The following SNX30 variants were observed in gnomAD, a reference collection of about 807,000 sequenced individuals.
SNX30 encodes sorting nexin-30.
A neutral mutation model predicts 46.4 loss-of-function variants in SNX30; 24 were observed. That is an observed-to-expected ratio of 0.52 (90% confidence interval 0.37 to 0.73). The LOEUF is 0.73. SNX30 is among the 30% of genes least tolerant of loss of function. The probability of loss-of-function intolerance (pLI) is 0.00; values close to 1 mark genes in which losing one functional copy is unlikely to be tolerated. For missense variants in SNX30, 533 were observed against 555.7 expected (o/e 0.96, Z 0.41); for synonymous variants, 189 against 211.5 (o/e 0.89, Z 0.92).
intron 2 of SNX30, among the ~76,000 whole-genome samples, chr9:112,807,414 G>T (rs1840246220): frequency 1.3e-5 from 2 of 152,228 alleles, no homozygotes; most frequent in South Asian, 4.1e-4. Context: ...ATATGTCTAT[G>T]TAAGTACGTG....
chr9:112,859,529 C>T (rs1013330870), intron 7 of SNX30, among the ~76,000 whole-genome samples: 1 of 152,186 alleles, frequency 6.6e-6, no homozygotes, highest in East Asian at 1.9e-4. Flanking sequence ...TGAGGAATCT[C>T]CATACTGTTT....
intron 1 of SNX30, among the ~76,000 whole-genome samples, chr9:112,764,551 A>T (rs764804495): frequency 1.3e-5 from 2 of 152,038 alleles, no homozygotes; most frequent in Non-Finnish European, 2.9e-5. Flanking sequence ...TAATCTTTTC[A>T]TTCCAATCAA....
downstream of SNX30, chr9:112,885,171 G>A (rs557117321): frequency 1.3e-5 from 2 of 152,240 alleles, no homozygotes; most frequent in Admixed American, 1.3e-4. Context: ...ATAATGCAAA[G>A]AGCCCTAATG....
rs543680157 is a variant in SNX30 at position 112,868,893 on chromosome 9, C to T, written c.*50C>T. On this transcript the variant is annotated 3_prime_UTR_variant, in exon 9 of 9. Transcript: ENST00000374232. ...TTCTACCTACACAGGGCCTGGCACCCTATACCGGAATGTCCCTGCAGTGCC... is the reference window on the plus strand; with the variant it reads ...TTCTACCTACACAGGGCCTGGCACCTTATACCGGAATGTCCCTGCAGTGCC... 1,027 of 1,570,432 alleles carry T rather than the reference C, an allele frequency of 6.5e-4. 6 individuals are homozygous for T. The Middle Eastern group carries it at 7.2e-3, about 11-fold the overall frequency.
chr9:112,762,673 T>C (rs1472385772), intron 1 of SNX30, among the ~76,000 whole-genome samples: 1 of 152,220 alleles, frequency 6.6e-6, no homozygotes, highest in Non-Finnish European at 1.5e-5. Context: ...TGCTAAGTCT[T>C]GTCGTTGCCT....
intron 1 of SNX30, among the ~76,000 whole-genome samples, chr9:112,791,186 C>T (rs1287289812): frequency 2.6e-5 from 4 of 151,996 alleles, no homozygotes; most frequent in Non-Finnish European, 4.4e-5. Flanking sequence ...GAAATTTGGT[C>T]TTTATTAAGC....
intron 7 of SNX30, among the ~76,000 whole-genome samples, chr9:112,858,850 C>T (rs953560941): frequency 1.2e-4 from 18 of 152,312 alleles, no homozygotes; most frequent in Non-Finnish European, 2.2e-4. Flanking sequence ...CCTACACATG[C>T]TGGCTTCTCT....
chr9:112,865,661 A>ATATATATATATATATGTGTG, intron 8 of SNX30, among the ~76,000 whole-genome samples: 11 of 105,678 alleles, frequency 1.0e-4, no homozygotes, highest in African/African-American at 4.2e-4. Context: ...ATATATATAT[A>ATATATATATATATATGTGTG]TGTATGTATG....
In SNX30 at chr9:112,750,829, C is replaced by T. The variant is rs912422096; in HGVS notation, c.-173C>T. The T allele has an allele frequency of 1.1e-5, 4 of 380,548 alleles. No individual in the cohort carries two copies. The highest frequency in any genetic ancestry group is 1.4e-5 in the Non-Finnish European group (4 of 276,038). 23.6% of individuals were successfully genotyped at this position (380,548 alleles called of 1,614,324 possible). A position where few individuals can be genotyped will look rare whatever the true frequency, so the allele number is the denominator to read the frequency against. Reference sequence around the variant, plus strand: ...CGGGGGCGCGCGGCGCGGAGCGGAGCGTCTGAGCGCCGGCAGAGACCAGCC... The same window carrying T: ...CGGGGGCGCGCGGCGCGGAGCGGAGTGTCTGAGCGCCGGCAGAGACCAGCC... On this transcript the variant is annotated 5_prime_UTR_variant, in exon 1 of 9. Transcript: ENST00000374232.
At chr9:112,865,280 G>A (rs1841305909) in intron 8 of SNX30, among the ~76,000 whole-genome samples, 1 of 151,528 alleles carries the variant, frequency 6.6e-6, no homozygotes, top group African/African-American at 2.4e-5. Flanking sequence ...CTCTTATCAG[G>A]CTACAGCCCA....
intron 2 of SNX30, among the ~76,000 whole-genome samples, chr9:112,806,187 C>T (rs1241820027): frequency 3.3e-5 from 5 of 152,146 alleles, no homozygotes; most frequent in African/African-American, 4.8e-5. Context: ...CCAGTTGTGA[C>T]AACCAAAAAT....
chr9:112,793,154 T>C (rs1018039901), intron 1 of SNX30, among the ~76,000 whole-genome samples: 1 of 152,350 alleles, frequency 6.6e-6, no homozygotes, highest in Non-Finnish European at 1.5e-5. Context: ...GTGTTTCTAC[T>C]TGATGTTGTT....
rs62576429 is a variant in SNX30 at position 112,833,412 on chromosome 9, G to A, written c.618+2529G>A. On this transcript the variant is annotated intron_variant, in intron 4 of 8. Transcript: ENST00000374232. Reference sequence around the variant, plus strand: ...ATGGCTCATGCCTGTAACACCCAGCGCTTTGGGAGGCCAAAGCAGGTAGAC... The same window carrying A: ...ATGGCTCATGCCTGTAACACCCAGCACTTTGGGAGGCCAAAGCAGGTAGAC... 1.6e-3 allele frequency among the ~76,000 whole-genome samples: 250 copies of A among 152,222 alleles called. 1 individual carries two copies. Among genetic ancestry groups the A allele is most frequent in the Admixed American group, 3.4e-3 (52 of 15,288 alleles).
intron 2 of SNX30, among the ~76,000 whole-genome samples, chr9:112,809,682 C>T (rs369633788): frequency 6.6e-6 from 1 of 152,048 alleles, no homozygotes; most frequent in Non-Finnish European, 1.5e-5. Context: ...GCAAAGTGGA[C>T]GTTAGTTTAA....
intron 1 of SNX30, among the ~76,000 whole-genome samples, chr9:112,760,843 G>A (rs1307338017): frequency 3.3e-5 from 5 of 152,302 alleles, no homozygotes; most frequent in Admixed American, 6.5e-5. Context: ...CCCACTAGCT[G>A]GGGGTATGTC....
intron 3 of SNX30, among the ~76,000 whole-genome samples, chr9:112,830,065 G>A (rs1446302151): frequency 6.6e-6 from 1 of 152,168 alleles, no homozygotes; most frequent in East Asian, 1.9e-4. Context: ...TATGGAAACA[G>A]ATTAAAAGCT....
At chr9:112,818,846 G>A (rs1447506569) in intron 3 of SNX30, among the ~76,000 whole-genome samples, 1 of 152,180 alleles carries the variant, frequency 6.6e-6, no homozygotes, top group Non-Finnish European at 1.5e-5. Context: ...TACTGTGATA[G>A]GAACGATGGC....
chr9:112,813,376 G>A (rs902185495), intron 2 of SNX30, among the ~76,000 whole-genome samples: 3 of 151,956 alleles, frequency 2.0e-5, no homozygotes, highest in African/African-American at 7.3e-5. Context: ...GTACTTGGGA[G>A]GCTGAGGTGG....
Position 112,870,300 on chromosome 9 carries a change from C to T in SNX30, c.*1457C>T, listed in dbSNP as rs1223782545. On this transcript the variant is annotated 3_prime_UTR_variant, in exon 9 of 9. Transcript: ENST00000374232. ...TTTTTGTTGTTTATTTTTAATGAAA[C>T]AGCTGTGTTAAGGCGCTGCTTCAGA... The T allele has an allele frequency of 6.6e-6, 1 of 151,976 alleles. No individual in the cohort carries two copies. Among genetic ancestry groups the T allele is most frequent in the Non-Finnish European group, 1.5e-5 (1 of 68,018 alleles). 9.4% of individuals were successfully genotyped at this position (151,976 alleles called of 1,614,324 possible).
Sources: gnomAD v4.1 joint callset for allele counts (sites outside exome capture counted in the v4.1 genomes callset) on GRCh38, gnomAD v4.1.1 for gene constraint, MANE v1.5 for transcripts, NCBI Gene and HGNC (gene_info 2026-07-23, HGNC 2026-07-21) for gene names.